OSBPL9: variants seen among roughly 807,000 people sequenced by gnomAD.
OSBPL9 encodes the protein oxysterol binding protein like 9.
A neutral mutation model predicts 106.6 loss-of-function variants in OSBPL9; 40 were observed. That is an observed-to-expected ratio of 0.38 (90% CI 0.29 to 0.49). OSBPL9 has a LOEUF of 0.49. Ranked by LOEUF, OSBPL9 falls within the 20% of genes least tolerant of loss-of-function variation. The probability of loss-of-function intolerance (pLI) is 0.97; values close to 1 mark genes in which losing one functional copy is unlikely to be tolerated. For synonymous variants in OSBPL9, 269 were observed against 295.4 expected (o/e 0.91, Z 0.92); for missense variants, 609 against 887.2 (o/e 0.69, Z 3.98).
intron 12 of OSBPL9, among the ~76,000 whole-genome samples, chr1:51,768,415 T>C (rs1673110498): frequency 1.3e-5 from 2 of 151,282 alleles, no homozygotes; most frequent in Non-Finnish European, 2.9e-5. Flanking sequence ...GGTTTTGCCA[T>C]GTTGGCCAGG....
chr1:51,659,898 T>C (rs1183894675), intron 2 of OSBPL9, among the ~76,000 whole-genome samples: 1 of 151,952 alleles, frequency 6.6e-6, no homozygotes, highest in African/African-American at 2.4e-5. Flanking sequence ...GAATAAGGAG[T>C]TGGTGGACTT....
At chr1:51,659,753 T>C (rs1250474580) in intron 2 of OSBPL9, among the ~76,000 whole-genome samples, 1 of 152,056 alleles carries the variant, frequency 6.6e-6, no homozygotes, top group Non-Finnish European at 1.5e-5. Flanking sequence ...ATTTTGCCAA[T>C]AAATTTGAAA....
At chr1:51,769,973 T>C (rs1482504675) in intron 12 of OSBPL9, among the ~76,000 whole-genome samples, 2 of 152,172 alleles carry the variant, frequency 1.3e-5, no homozygotes, top group Admixed American at 1.3e-4. Flanking sequence ...AAGGTAACTT[T>C]CATGCTTTTT....
At chr1:51,531,325 T>C in the OSBPL9 span, among the ~76,000 whole-genome samples, 1 of 152,152 alleles carries the variant, frequency 6.6e-6, no homozygotes, top group African/African-American at 2.4e-5. Flanking sequence ...TTATTTGGAC[T>C]ATTGTGGGGA....
intron 1 of OSBPL9, among the ~76,000 whole-genome samples, chr1:51,638,311 A>C (rs1645578845): frequency 6.6e-6 from 1 of 152,172 alleles, no homozygotes; most frequent in Non-Finnish European, 1.5e-5. Context: ...GTGACTACTC[A>C]AGAGTTTTTG....
chr1:51,750,230 T>C, intron 8 of OSBPL9, 35 bp downstream of exon 8: 2 of 1,520,010 alleles, frequency 1.3e-6, no homozygotes, highest in South Asian at 1.2e-5. Flanking sequence ...CCTTTGTGTA[T>C]GGAGTTCAAA....
intron 3 of OSBPL9, among the ~76,000 whole-genome samples, chr1:51,675,705 A>G (rs944887423): frequency 7.9e-5 from 12 of 152,210 alleles, no homozygotes; most frequent in Non-Finnish European, 1.8e-4. Flanking sequence ...AAGTAGTTGC[A>G]CATTAGCTGT....
upstream of OSBPL9, among the ~76,000 whole-genome samples, chr1:51,575,628 A>G (rs1409829367): frequency 1.3e-5 from 2 of 152,142 alleles, no homozygotes; most frequent in Non-Finnish European, 2.9e-5. Context: ...CTGATGACTC[A>G]ACTGTTTCCC....
At chr1:51,686,557 T>C (rs1653854130) in intron 3 of OSBPL9, among the ~76,000 whole-genome samples, 1 of 152,226 alleles carries the variant, frequency 6.6e-6, no homozygotes, top group Non-Finnish European at 1.5e-5. Context: ...TTGTCACGTT[T>C]CTCCTGTGCT....
At chr1:51,615,998 CTTTGG>C (rs1644044722), upstream of OSBPL9, among the ~76,000 whole-genome samples, 1 of 137,258 alleles carries the variant, frequency 7.3e-6, no homozygotes, top group Non-Finnish European at 1.5e-5. Context: ...TCAATAAATC[CTTTGG>C]TTTTTTTTTT....
chr1:51,641,300 C>T (rs1012005178), intron 1 of OSBPL9, among the ~76,000 whole-genome samples: 3 of 152,034 alleles, frequency 2.0e-5, no homozygotes, highest in Admixed American at 2.0e-4. Flanking sequence ...GGAATTAATC[C>T]CATTCATGAG....
At chr1:51,745,968 T>A (rs1338680084) in intron 5 of OSBPL9, among the ~76,000 whole-genome samples, 1 of 152,180 alleles carries the variant, frequency 6.6e-6, no homozygotes, top group Non-Finnish European at 1.5e-5. Context: ...TTTTTTTGTT[T>A]GTTTGTTTTT....
chr1:51,552,126 A>T, the OSBPL9 span, among the ~76,000 whole-genome samples: 1 of 152,156 alleles, frequency 6.6e-6, no homozygotes, highest in Non-Finnish European at 1.5e-5. Context: ...ACAGCAAATT[A>T]TGAGGTTTGT....
intron 1 of OSBPL9, among the ~76,000 whole-genome samples, chr1:51,595,609 C>T (rs921089334): frequency 1.3e-5 from 2 of 152,022 alleles, no homozygotes; most frequent in Non-Finnish European, 2.9e-5. Flanking sequence ...GCCAGAGAAG[C>T]GAAAGACTTG....
intron 1 of OSBPL9, among the ~76,000 whole-genome samples, chr1:51,641,015 C>T (rs1430874622): frequency 6.6e-6 from 1 of 151,892 alleles, no homozygotes; most frequent in African/African-American, 2.4e-5. Flanking sequence ...TCTCCAACTC[C>T]TGGCCTGAAG....
In OSBPL9 at chr1:51,785,822, A is replaced by T; in HGVS notation, c.1844A>T (p.Lys615Met). The change falls in exon 21 of 24, where the codon AAG becomes ATG. Residue 615 changes from lysine (K) to methionine (M), a missense_variant. Coordinates refer to ENST00000428468, the MANE Select transcript of OSBPL9 (RefSeq NM_024586.6). Reference sequence around the variant, plus strand: ...TTTCTGTTCAGTTCTCCAAATGACAAGAAGTCTTTTTGCTCAATTGAAGGG... The same window carrying T: ...TTTCTGTTCAGTTCTCCAAATGACATGAAGTCTTTTTGCTCAATTGAAGGG... Reference protein sequence around the residue: ...ITAEIFSPNDKKSFCSIEGEW... With the variant: ...ITAEIFSPNDMKSFCSIEGEW... 1.2e-6 allele frequency: 2 copies of T among 1,609,398 alleles called. No individual in the cohort carries two copies. The highest frequency in any genetic ancestry group is 1.7e-6 in the Non-Finnish European group (2 of 1,178,894).
chr1:51,691,721 TCTAAG>T (rs1655008424), intron 3 of OSBPL9, among the ~76,000 whole-genome samples: 1 of 152,174 alleles, frequency 6.6e-6, no homozygotes, highest in Non-Finnish European at 1.5e-5. Flanking sequence ...ATCCTTATTC[TCTAAG>T]CTTTTTTCTA....
chr1:51,546,267 T>C, the OSBPL9 span, among the ~76,000 whole-genome samples: 1 of 152,116 alleles, frequency 6.6e-6, no homozygotes, highest in Non-Finnish European at 1.5e-5. Context: ...TCTGCCTGCC[T>C]TGGACTCCCA....
intron 2 of OSBPL9, among the ~76,000 whole-genome samples, chr1:51,653,146 G>A (rs1274435342): frequency 6.6e-6 from 1 of 151,980 alleles, no homozygotes; most frequent in Non-Finnish European, 1.5e-5. Flanking sequence ...CAATCAGATG[G>A]TATATATGTG....
Sources: gnomAD v4.1 joint callset for allele counts (sites outside exome capture counted in the v4.1 genomes callset) on GRCh38, gnomAD v4.1.1 for gene constraint, MANE v1.5 for transcripts, NCBI Gene and HGNC (gene_info 2026-07-23, HGNC 2026-07-21) for gene names.